TOGARAM2: variants seen among roughly 807,000 people sequenced by gnomAD.
TOGARAM2 encodes the protein TOG array regulator of axonemal microtubules 2, also known as TOG array regulator of axonemal microtubules protein 2.
A neutral mutation model predicts 93.3 loss-of-function variants in TOGARAM2; 85 were observed. The observed-to-expected ratio is 0.91, with a 90% CI of 0.76 to 1.09. TOGARAM2 has a LOEUF of 1.09. TOGARAM2 is among the 50% of genes least tolerant of loss of function. The pLI, the probability that TOGARAM2 is intolerant of heterozygous loss-of-function variation, is 0.00. For synonymous variants in TOGARAM2, 593 were observed against 552.8 expected (o/e 1.07, Z -1.02); for missense variants, 1,277 against 1,334.5 (o/e 0.96, Z 0.67).
rs114620890 is a variant in TOGARAM2, at chr2:29,009,866, C to T, written c.831-1589C>T. Reference sequence around the variant, plus strand: ...CGCACAGGGTGGGGCGGGGCTGCCACGTGCAGGAAGGCAGGGGCCCTGATC... The same window carrying T: ...CGCACAGGGTGGGGCGGGGCTGCCATGTGCAGGAAGGCAGGGGCCCTGATC... On this transcript the variant is annotated intron_variant, in intron 6 of 19. Transcript: ENST00000379558. Among the ~76,000 whole-genome samples, 366 of 152,184 alleles carry T rather than the reference C, an allele frequency of 2.4e-3. 3 individuals carry two copies. Among genetic ancestry groups the T allele is most frequent in the African/African-American group, 7.9e-3 (329 of 41,520 alleles).
intron 6 of TOGARAM2, among the ~76,000 whole-genome samples, chr2:29,011,119 A>G (rs6712980): frequency 0.81 from 123,368 of 152,178 alleles, 50,307 homozygotes; most frequent in Middle Eastern, 0.86. Flanking sequence ...GCTGCTGTCA[A>G]CTCCACAGGC....
intron 1 of TOGARAM2, among the ~76,000 whole-genome samples, chr2:28,991,052 G>A (rs1362139384): frequency 1.4e-5 from 2 of 147,774 alleles, no homozygotes; most frequent in Non-Finnish European, 3.0e-5. Context: ...CTTTTCCCCA[G>A]GGAAAAAGAA....
intron 16 of TOGARAM2, among the ~76,000 whole-genome samples, chr2:29,034,189 A>G (rs1572763348): frequency 1.3e-5 from 2 of 151,880 alleles, no homozygotes; most frequent in South Asian, 4.1e-4. Flanking sequence ...GCCTGACCAG[A>G]GCAGCACCTG....
Position 29,022,987 on chromosome 2 carries a change from T to A in TOGARAM2, c.1512-99T>A. ...AATGGCACCCTGCTGCGGGTGACGG[T>A]GGACCGTGATGGTGTGTGATGTGGG... is the stretch of plus-strand genomic sequence containing the variant. On this transcript the variant is annotated intron_variant, in intron 11 of 19. Transcript: ENST00000379558. 5.2e-6 allele frequency: 5 copies of A among 953,988 alleles called. No individual in the cohort carries two copies. The South Asian group carries it at 7.7e-5, about 15-fold the overall frequency. 59.1% of individuals were successfully genotyped at this position (953,988 alleles called of 1,614,324 possible). A position where few individuals can be genotyped will look rare whatever the true frequency, so the allele number is the denominator to read the frequency against.
At chr2:28,969,163 C>T (rs531133088) in intron 1 of TOGARAM2, among the ~76,000 whole-genome samples, 8 of 152,312 alleles carry the variant, frequency 5.3e-5, no homozygotes, top group African/African-American at 1.4e-4. Flanking sequence ...AGAGAGGTTT[C>T]GGGAGGATTC....
chr2:28,993,831 C>T (rs1185653211), intron 1 of TOGARAM2, among the ~76,000 whole-genome samples: 1 of 152,210 alleles, frequency 6.6e-6, no homozygotes, highest in African/African-American at 2.4e-5. Flanking sequence ...AGGCAAGTTT[C>T]TCAGTTCCTG....
intron 12 of TOGARAM2, among the ~76,000 whole-genome samples, chr2:29,023,668 G>T (rs572702977): frequency 1.0e-3 from 153 of 152,296 alleles, no homozygotes; most frequent in Middle Eastern, 6.8e-3. Flanking sequence ...TGAATACGGA[G>T]GACGCTGTTT....
In TOGARAM2 at chr2:29,014,489, C is replaced by G; in HGVS notation, c.972C>G (p.Ala324=). 1 of 1,590,368 alleles carries G rather than the reference C, an allele frequency of 6.3e-7. No individual in the cohort carries two copies. The highest frequency in any genetic ancestry group is 8.6e-7 in the Non-Finnish European group (1 of 1,168,612). ...CTCAGTCTGCTCCCACGCTGACAGCCTTCTCCTTTGACTGTGCCAGAGAAG... is the reference window on the plus strand; with the variant it reads ...CTCAGTCTGCTCCCACGCTGACAGCGTTCTCCTTTGACTGTGCCAGAGAAG... ...PFSQSAPTLT[A]FSFDCAREAC... is the part of the protein sequence containing the mutation. Residue 324 remains alanine (A), a synonymous_variant, in exon 8 of 20, where the codon GCC becomes GCG. Coordinates refer to ENST00000379558, the MANE Select transcript of TOGARAM2 (RefSeq NM_199280.4).
intron 1 of TOGARAM2, among the ~76,000 whole-genome samples, chr2:28,973,303 T>C (rs976438009): frequency 7.2e-5 from 11 of 152,272 alleles, no homozygotes; most frequent in African/African-American, 2.4e-4. Context: ...CCTTCCTTTA[T>C]GATTGCCTTT....
At position 29,035,623 on chromosome 2, in the gene TOGARAM2, C is replaced by T. The variant is rs761387883; in HGVS notation, c.2385C>T (p.Ala795=). Residue 795 remains alanine, a synonymous_variant, in exon 17 of 20, where the codon GCC becomes GCT. Coordinates refer to ENST00000379558, the MANE Select transcript of TOGARAM2 (RefSeq NM_199280.4). ...GGCAGCTCCTGGAGCTCTGCAAGGC[C>T]AAGACGGAGCTTGTCACTGCCCACC... ...GVGQLLELCK[A]KTELVTAHLV... 6.5e-6 allele frequency: 10 copies of T among 1,539,660 alleles called. No homozygotes were observed. The African/African-American group carries it at 1.2e-4, about 19-fold the overall frequency.
At chr2:29,002,146 T>C (rs1275173457) in intron 4 of TOGARAM2, among the ~76,000 whole-genome samples, 1 of 152,190 alleles carries the variant, frequency 6.6e-6, no homozygotes, top group African/African-American at 2.4e-5. Flanking sequence ...TGGCATCTTA[T>C]ATAAGTGATG....
intron 10 of TOGARAM2, among the ~76,000 whole-genome samples, chr2:29,020,983 G>A (rs568649777): frequency 6.6e-6 from 1 of 152,100 alleles, no homozygotes; most frequent in Non-Finnish European, 1.5e-5. Flanking sequence ...ACATGATCTC[G>A]GCTCACTGCA....
chr2:29,033,089 G>A, intron 15 of TOGARAM2, 38 bp downstream of exon 15: 2 of 1,558,176 alleles, frequency 1.3e-6, no homozygotes, highest in Non-Finnish European at 1.8e-6. Context: ...GGCCTTTTGG[G>A]GGTGGGGGTG....
At chr2:28,973,435 C>CCTT (rs1558394755) in intron 1 of TOGARAM2, among the ~76,000 whole-genome samples, 1 of 59,536 alleles carries the variant, frequency 1.7e-5, no homozygotes, top group African/African-American at 5.5e-5. Context: ...TCCCTTCCTT[C>CCTT]CCTTCCCCTT....
chr2:28,990,730 C>T (rs1312284348), intron 1 of TOGARAM2, among the ~76,000 whole-genome samples: 3 of 152,082 alleles, frequency 2.0e-5, no homozygotes, highest in East Asian at 1.9e-4. Flanking sequence ...TTTGTCCTGT[C>T]GGGCGTGACA....
At chr2:29,044,289 C>T (rs1014218896) in intron 18 of TOGARAM2, among the ~76,000 whole-genome samples, 1 of 152,200 alleles carries the variant, frequency 6.6e-6, no homozygotes, top group Admixed American at 6.5e-5. Flanking sequence ...ATAAACTCAG[C>T]CATCTTTGCA....
intron 1 of TOGARAM2, among the ~76,000 whole-genome samples, chr2:28,975,617 G>A (rs187594840): frequency 3.3e-5 from 5 of 152,236 alleles, no homozygotes; most frequent in African/African-American, 9.6e-5. Flanking sequence ...TCATCTGGGC[G>A]CTGCATCATT....
intron 18 of TOGARAM2, 80 bp from the exon 19 acceptor site, chr2:29,045,244 G>T: frequency 9.1e-7 from 1 of 1,103,486 alleles, no homozygotes; most frequent in South Asian, 1.4e-5. Context: ...CAGGTACTGT[G>T]GGTATGTGGC....
chr2:29,029,583 C>T (rs566012577), intron 14 of TOGARAM2, among the ~76,000 whole-genome samples: 11 of 151,204 alleles, frequency 7.3e-5, no homozygotes, highest in Admixed American at 1.3e-4. Flanking sequence ...GGTGAAACCC[C>T]GTCTCTACTA....
Sources: gnomAD v4.1 joint callset for allele counts (sites outside exome capture counted in the v4.1 genomes callset) on GRCh38, gnomAD v4.1.1 for gene constraint, MANE v1.5 for transcripts, NCBI Gene and HGNC (gene_info 2026-07-23, HGNC 2026-07-21) for gene names.